The following ROBO1 variants were observed in gnomAD, a reference collection of about 807,000 sequenced individuals.
The protein encoded by ROBO1 is roundabout guidance receptor 1.
Under a neutral mutation model 195.9 loss-of-function variants are expected in ROBO1, and 149 were observed. That is an observed-to-expected ratio of 0.76 (90% CI 0.67 to 0.87). The LOEUF is 0.87. Among genes scored for constraint, ROBO1 ranks in the 40% least tolerant of loss-of-function variants. The pLI is 0.00. For synonymous variants in ROBO1, 816 were observed against 733.2 expected (o/e 1.11, Z -1.82); for missense variants, 1,933 against 2,068.3 (o/e 0.93, Z 1.27).
intron 24 of ROBO1, among the ~76,000 whole-genome samples, chr3:78,632,859 G>A (rs752710598): frequency 6.6e-6 from 1 of 152,098 alleles, no homozygotes; most frequent in East Asian, 1.9e-4. Context: ...CTTAAAAGTA[G>A]ATCCTTGAAA....
chr3:78,650,063 A>C (rs1706549880), intron 19 of ROBO1, among the ~76,000 whole-genome samples: 1 of 152,008 alleles, frequency 6.6e-6, no homozygotes, highest in Admixed American at 6.6e-5. Context: ...CTCCACATCT[A>C]TATGTTAATT....
chr3:78,954,239 T>C (rs2040929649), intron 3 of ROBO1, among the ~76,000 whole-genome samples: 2 of 152,064 alleles, frequency 1.3e-5, no homozygotes, highest in South Asian at 2.1e-4. Context: ...CCATCTATAA[T>C]AAAGCATCTC....
intron 3 of ROBO1, among the ~76,000 whole-genome samples, chr3:79,037,508 T>A (rs2078401949): frequency 1.3e-5 from 2 of 152,174 alleles, no homozygotes; most frequent in South Asian, 4.1e-4. Flanking sequence ...ACTCAAATAT[T>A]CTTTTTTGAT....
chr3:79,114,996 A>G (rs1031363503), intron 3 of ROBO1, among the ~76,000 whole-genome samples: 15 of 152,212 alleles, frequency 9.9e-5, no homozygotes. Flanking sequence ...GGACTTTTTA[A>G]AAAAGCAGTG....
chr3:79,330,315 AT>A (rs1214223200), intron 2 of ROBO1, among the ~76,000 whole-genome samples: 1 of 132,886 alleles, frequency 7.5e-6, no homozygotes, highest in African/African-American at 3.1e-5. Context: ...TCCTCAAAAA[AT>A]AAATAAATAA....
intron 3 of ROBO1, among the ~76,000 whole-genome samples, chr3:79,037,310 C>G (rs558037486): frequency 3.3e-5 from 5 of 152,200 alleles, no homozygotes; most frequent in African/African-American, 1.2e-4. Flanking sequence ...ATTTCTTCAG[C>G]CTTATTACCT....
intron 4 of ROBO1, among the ~76,000 whole-genome samples, chr3:78,823,023 T>C (rs1407692726): frequency 6.6e-6 from 1 of 152,222 alleles, no homozygotes; most frequent in Non-Finnish European, 1.5e-5. Flanking sequence ...TCCAGAGTTC[T>C]GTACTTCATT....
intron 3 of ROBO1, among the ~76,000 whole-genome samples, chr3:78,945,030 C>T (rs1026494970): frequency 2.6e-5 from 4 of 152,210 alleles, no homozygotes; most frequent in Non-Finnish European, 5.9e-5. Flanking sequence ...GAAGCTCAAA[C>T]TGGGTGAAGC....
chr3:78,727,492 GGC>G (rs1253523245), intron 5 of ROBO1, among the ~76,000 whole-genome samples: 1 of 152,080 alleles, frequency 6.6e-6, no homozygotes, highest in Non-Finnish European at 1.5e-5. Flanking sequence ...CGGGCGTGGT[GGC>G]GGCACCTGTA....
At chr3:79,422,436 A>C (rs1038146256) in intron 2 of ROBO1, among the ~76,000 whole-genome samples, 1 of 152,062 alleles carries the variant, frequency 6.6e-6, no homozygotes, top group African/African-American at 2.4e-5. Context: ...TATACTACGT[A>C]ACATTGCAAA....
chr3:78,676,000 G>A (rs540975440), intron 10 of ROBO1, among the ~76,000 whole-genome samples: 17 of 152,084 alleles, frequency 1.1e-4, no homozygotes, highest in Non-Finnish European at 2.2e-4. Flanking sequence ...CAATCAGACA[G>A]CAGCATTCGA....
chr3:78,778,263 G>A (rs954776936), intron 4 of ROBO1, among the ~76,000 whole-genome samples: 2 of 152,114 alleles, frequency 1.3e-5, no homozygotes, highest in African/African-American at 2.4e-5. Context: ...TTTTCGCATC[G>A]ATGTTCCTCA....
intron 2 of ROBO1, among the ~76,000 whole-genome samples, chr3:79,133,320 C>T (rs1316789737): frequency 8.8e-6 from 1 of 113,664 alleles, no homozygotes; most frequent in Non-Finnish European, 1.8e-5. Flanking sequence ...TTCAGGTACA[C>T]CAATCAGATG....
intron 1 of ROBO1, among the ~76,000 whole-genome samples, chr3:79,668,486 A>G (rs1946537170): frequency 6.6e-6 from 1 of 151,648 alleles, no homozygotes; most frequent in Admixed American, 6.6e-5. Flanking sequence ...AAATTTAAAA[A>G]TCTAATTAAT....
intron 4 of ROBO1, among the ~76,000 whole-genome samples, chr3:78,870,884 T>C (rs989054871): frequency 5.3e-5 from 8 of 152,250 alleles, no homozygotes; most frequent in African/African-American, 1.9e-4. Context: ...TCGATGAAAT[T>C]TTCTTTCCTT....
intron 21 of ROBO1, among the ~76,000 whole-genome samples, chr3:78,644,163 G>T (rs747298101): frequency 6.6e-6 from 1 of 151,964 alleles, no homozygotes; most frequent in Non-Finnish European, 1.5e-5. Context: ...ACACACATCC[G>T]TAAGTGGCTA....
intron 3 of ROBO1, among the ~76,000 whole-genome samples, chr3:78,966,589 T>C (rs1251531159): frequency 6.6e-6 from 1 of 152,180 alleles, no homozygotes; most frequent in African/African-American, 2.4e-5. Flanking sequence ...AATCCAAAGT[T>C]AAGTCACTGG....
intron 2 of ROBO1, among the ~76,000 whole-genome samples, chr3:79,276,776 T>C (rs571416618): frequency 2.6e-5 from 4 of 151,766 alleles, no homozygotes; most frequent in Non-Finnish European, 4.4e-5. Context: ...AGGGAAAAAA[T>C]CCTAATAATC....
rs2081704272 is a variant in ROBO1, at chr3:78,711,356, TTCCTTCCTTCCTTCCTTCCTTC to T, written c.1045+3019_1045+3040del. 9.9e-4 allele frequency among the ~76,000 whole-genome samples: 40 copies of T among 40,234 alleles called. 2 individuals carry two copies. Among genetic ancestry groups the T allele is most frequent in the African/African-American group, 4.2e-3 (32 of 7,646 alleles). 26.4% of individuals were successfully genotyped at this position (40,234 alleles called of 152,430 possible). A position where few individuals can be genotyped will look rare whatever the true frequency, so the allele number is the denominator to read the frequency against. Reference sequence around the variant, plus strand: ...CCTTCCTTCCTTCCTTCCTCCTTCCTTCCTTCCTTCCTTCCTTCCTTCCTTCCTTCCTTCCTTCCTTCCTTTC... The same window carrying T: ...CCTTCCTTCCTTCCTTCCTCCTTCCTCTTCCTTCCTTCCTTCCTTCCTTTC... On this transcript the variant is annotated intron_variant, in intron 8 of 30. Coordinates refer to ENST00000464233, the MANE Select transcript of ROBO1 (RefSeq NM_002941.4).
Sources: allele counts gnomAD v4.1 joint callset (sites outside exome capture counted in the v4.1 genomes callset), GRCh38; gene constraint gnomAD v4.1.1; transcripts MANE v1.5; gene names NCBI Gene and HGNC (gene_info 2026-07-23, HGNC 2026-07-21).